The following KLC3 variants were observed in gnomAD, a reference collection of about 807,000 sequenced individuals.
The protein encoded by KLC3 is kinesin light chain 2.
Under a neutral mutation model 62.9 loss-of-function variants are expected in KLC3, and 72 were observed. The observed-to-expected ratio is 1.15, with a 90% CI of 0.95 to 1.39. The LOEUF (loss-of-function observed/expected upper bound fraction) is 1.39, where lower values mean the gene tolerates loss of function less well. Among genes scored for constraint, KLC3 ranks in the 40% most tolerant of loss-of-function variants. The probability of loss-of-function intolerance (pLI) is 0.00; values close to 1 mark genes in which losing one functional copy is unlikely to be tolerated. For missense variants in KLC3, 848 were observed against 691.6 expected, an observed-to-expected ratio of 1.23 and a Z score of -2.54; for synonymous variants, 377 against 300.5, an observed-to-expected ratio of 1.25 and a Z score of -2.63.
At chr19:45,341,554 G>GGTGTGTGTGT (rs773352088) in intron 1 of KLC3, among the ~76,000 whole-genome samples, 1,580 of 144,080 alleles carry the variant, frequency 0.011, 18 homozygotes, top group Non-Finnish European at 0.015. Flanking sequence ...TCTGCCTGTT[G>GGTGTGTGTGT]GTGTGTGTGT....
chr19:45,350,201 C>T (rs931497711), intron 8 of KLC3, 140 bp from the exon 9 acceptor site: 2 of 645,382 alleles, frequency 3.1e-6, no homozygotes, highest in Non-Finnish European at 5.3e-6. Flanking sequence ...GCAGGAGGAT[C>T]ACTTGAGGCT....
At chr19:45,343,176 C>T (rs1169384634) in intron 1 of KLC3, among the ~76,000 whole-genome samples, 1 of 151,842 alleles carries the variant, frequency 6.6e-6, no homozygotes, top group African/African-American at 2.4e-5. Context: ...GTGCGTTGGG[C>T]ACATTGTGGG....
rs760164917 is a variant in KLC3 at position 45,351,270 on chromosome 19, CTGTGCCT to C, written c.1444-15_1444-9del. ...CCCTCACCTCCCCTCCAACCATCCC[CTGTGCCT>C]GTCTCCAGTTTCCCAGCTGGCACCT... On this transcript the variant is annotated splice_polypyrimidine_tract_variant and intron_variant, in intron 12 of 12. Transcript: ENST00000391946. The C allele has an allele frequency of 2.4e-5, 38 of 1,611,698 alleles. No homozygotes were observed. In the South Asian group the frequency reaches 2.4e-4, roughly 10 times the overall value.
At chr19:45,343,368 CTT>C (rs1011270918) in intron 1 of KLC3, among the ~76,000 whole-genome samples, 4 of 151,986 alleles carry the variant, frequency 2.6e-5, no homozygotes, top group African/African-American at 4.8e-5. Context: ...GAGTTTTGCT[CTT>C]GTCACCCAGG....
At position 45,350,973 on chromosome 19, in the gene KLC3, C is replaced by T; in HGVS notation, c.1399C>T (p.Leu467Phe). The T allele has an allele frequency of 6.2e-7, 1 of 1,614,168 alleles. No individual in the cohort carries two copies. Among genetic ancestry groups the T allele is most frequent in the Non-Finnish European group, 8.5e-7 (1 of 1,180,036 alleles). Residue 467 changes from leucine (L) to phenylalanine (F), a missense_variant, in exon 12 of 13, where the codon CTC (leucine) becomes TTC (phenylalanine). Transcript: ENST00000391946. ...GAAGMKRAMS[L>F]NTLNVDAPRA... ...TTGCAGAATGAAGAGAGCCATGTCACTCAACACACTGAACGTGGATGCTCC... is the reference window on the plus strand; with the variant it reads ...TTGCAGAATGAAGAGAGCCATGTCATTCAACACACTGAACGTGGATGCTCC...
intron 1 of KLC3, among the ~76,000 whole-genome samples, chr19:45,341,578 TGC>T (rs200152688): frequency 2.1e-5 from 3 of 139,902 alleles, no homozygotes; most frequent in South Asian, 4.7e-4. Flanking sequence ...TGTGTGTGTG[TGC>T]GCGCGCGCGT....
chr19:45,346,717 G>T lies in KLC3; in HGVS notation c.432G>T (p.Lys144Asn), dbSNP rs201298939. 4.3e-4 allele frequency: 684 copies of T among 1,583,862 alleles called. No individual in the cohort carries two copies. The highest frequency in any genetic ancestry group is 5.6e-4 in the Non-Finnish European group (657 of 1,166,066). ...CCGTGGCCCAGCTGGAGGAGGAGAA[G>T]CGCCACCTGGAGTTCCTGGGGCAGC... ...EESVAQLEEE[K>N]RHLEFLGQLR... Residue 144 changes from lysine to asparagine, a missense_variant, in exon 3 of 13, where the codon AAG (lysine) becomes AAT (asparagine). Lys to Asn is a moderately conservative substitution (Grantham distance 94). Transcript: ENST00000391946.
rs1049471662 is a variant in KLC3 at position 45,345,624 on chromosome 19, GGC to G, written c.84_85del (p.Gln29SerfsTer137). On this transcript the variant is annotated frameshift_variant, in exon 2 of 13. Transcript: ENST00000391946. LOFTEE classifies it high-confidence loss of function. Reference sequence around the variant, plus strand: ...CCTGAGGAGCTGGTGCGGCAGACGCGGCAAGTGGTCCAGGGGCTGGAGGCGCT... The same window carrying G: ...CCTGAGGAGCTGGTGCGGCAGACGCGAAGTGGTCCAGGGGCTGGAGGCGCT... The G allele has an allele frequency of 2.5e-6, 4 of 1,583,570 alleles. No individual in the cohort carries two copies. Among genetic ancestry groups the G allele is most frequent in the Non-Finnish European group, 3.4e-6 (4 of 1,166,328 alleles).
At chr19:45,348,511 A>G in intron 5 of KLC3, 135 bp from the exon 6 acceptor site, 1 of 790,830 alleles carries the variant, frequency 1.3e-6, no homozygotes, top group Non-Finnish European at 2.1e-6. Flanking sequence ...GGCCCACAAA[A>G]GGCCCTCAAA....
At chr19:45,344,179 A>G (rs1157479048) in intron 1 of KLC3, among the ~76,000 whole-genome samples, 3 of 101,914 alleles carry the variant, frequency 2.9e-5, no homozygotes, top group Admixed American at 1.9e-4. Context: ...GTGTGTGTGT[A>G]ACTGTATTTC....
At position 45,350,558 on chromosome 19, in the gene KLC3, ATGGGCTGTGCTTCGGCTCCTGGGG is replaced by A; in HGVS notation, c.1272+13_1272+36del. ...AGCTGGTGACGCAGAACAGGTGAGGATGGGCTGTGCTTCGGCTCCTGGGGTGGGCGTGGGGACTGCATGGGCCTG... is the reference window on the plus strand; with the variant it reads ...AGCTGGTGACGCAGAACAGGTGAGGATGGGCGTGGGGACTGCATGGGCCTG... On this transcript the variant is annotated splice_region_variant and intron_variant, in intron 10 of 12. Transcript: ENST00000391946. The A allele has an allele frequency of 6.2e-7, 1 of 1,613,544 alleles. No homozygotes were observed. The highest frequency in any genetic ancestry group is 8.5e-7 in the Non-Finnish European group (1 of 1,179,908).
rs541314083 is a variant in KLC3, at chr19:45,347,604, A to G, written c.559+88A>G. 8.7e-6 allele frequency: 11 copies of G among 1,258,732 alleles called. No individual in the cohort carries two copies. The East Asian group carries it at 2.6e-4, about 30-fold the overall frequency. The allele number at this position is 1,258,732 out of a possible 1,614,324, so 78.0% of individuals were successfully genotyped here. A position where few individuals can be genotyped will look rare whatever the true frequency, so the allele number is the denominator to read the frequency against. On this transcript the variant is annotated intron_variant, in intron 4 of 12. Transcript: ENST00000391946. The stretch of plus-strand genomic sequence containing the variant: ...TGCAGGACCCCAAAATCTCTGAGCC[A>G]GGGGATGGGGAGGTGAGGGCAGGGT...
chr19:45,345,359 GGA>G, intron 1 of KLC3, 173 bp from the exon 2 acceptor site: 1 of 776,930 alleles, frequency 1.3e-6, no homozygotes. Flanking sequence ...GGATGGGTGT[GGA>G]GACTGGGATG....
Position 45,349,939 on chromosome 19 carries a change from C to G in KLC3, c.1143+337C>G, listed in dbSNP as rs372399666. ...AGCGTCCCTATGAGGTGGGAGCTGT[C>G]GCTCCACTTTGCGTGTGGGAAGACT... On this transcript the variant is annotated intron_variant, in intron 8 of 12. Coordinates refer to ENST00000391946, the MANE Select transcript of KLC3 (RefSeq NM_177417.3). 3.0e-4 allele frequency: 126 copies of G among 414,832 alleles called. 1 individual carries two copies. The East Asian group carries it at 5.0e-3, about 16-fold the overall frequency. 25.7% of individuals were successfully genotyped at this position (414,832 alleles called of 1,614,324 possible). A position where few individuals can be genotyped will look rare whatever the true frequency, so the allele number is the denominator to read the frequency against.
In KLC3 at chr19:45,351,503, T is replaced by G. The variant is rs541274511; in HGVS notation, c.*146T>G. 1.9e-6 allele frequency: 3 copies of G among 1,596,368 alleles called. No individual in the cohort carries two copies. Among genetic ancestry groups the G allele is most frequent in the East Asian group, 4.5e-5 (2 of 44,760 alleles). ...GCTGCCTTCTCCTGCGATTAAAGGC[T>G]GTGGACGTGACAGTGAGAAATGTCA... On this transcript the variant is annotated 3_prime_UTR_variant, in exon 13 of 13. Coordinates refer to ENST00000391946, the MANE Select transcript of KLC3 (RefSeq NM_177417.3).
At position 45,345,807 on chromosome 19, in the gene KLC3, G is replaced by A; in HGVS notation, c.258+8G>A. The A allele has an allele frequency of 6.5e-7, 1 of 1,542,728 alleles. No homozygotes were observed. Among genetic ancestry groups the A allele is most frequent in the Non-Finnish European group, 8.7e-7 (1 of 1,144,626 alleles). ...GGGCTGGGCGAGGCCCAGGTATGAGGGGGCCAGGTGGGGAGCTGGGGGAAG... is the reference window on the plus strand; with the variant it reads ...GGGCTGGGCGAGGCCCAGGTATGAGAGGGCCAGGTGGGGAGCTGGGGGAAG... On this transcript the variant is annotated splice_region_variant and intron_variant, in intron 2 of 12. Transcript: ENST00000391946.
chr19:45,345,904 A>G (rs1971480611), intron 2 of KLC3, 105 bp downstream of exon 2: 2 of 1,260,452 alleles, frequency 1.6e-6, no homozygotes, highest in South Asian at 1.5e-5. Context: ...AGGGTTCACT[A>G]TTGCAGAGGG....
Position 45,347,921 on chromosome 19 carries a change from G to GCCCCCCCCCCCC in KLC3, c.560-17_560-16insCCCCCCCCCCCC. ...GGCAGGAGGCTTGCAGTGACCCAGA[G>GCCCCCCCCCCCC]CCCACCCCACCCCACCTAGGTCCTG... On this transcript the variant is annotated intron_variant, in intron 4 of 12. Coordinates refer to ENST00000391946, the MANE Select transcript of KLC3 (RefSeq NM_177417.3). 2 of 1,575,118 alleles carry GCCCCCCCCCCCC rather than the reference G, an allele frequency of 1.3e-6. No individual in the cohort carries two copies. The highest frequency in any genetic ancestry group is 2.7e-5 in the African/African-American group (2 of 74,192).
rs774528812 is a variant in KLC3 at position 45,346,676 on chromosome 19, C to T, written c.391C>T (p.Arg131Trp). 1.1e-5 allele frequency: 17 copies of T among 1,559,328 alleles called. No individual in the cohort carries two copies. Among genetic ancestry groups the T allele is most frequent in the African/African-American group, 6.8e-5 (5 of 73,182 alleles). ...EELEETQRRL[R>W]ASEESVAQLE... ...ACTGGAGGAGACGCAGCGGCGGCTT[C>T]GGGCCAGCGAGGAGTCCGTGGCCCA... The change falls in exon 3 of 13, where the codon CGG becomes TGG. Residue 131 changes from arginine (R) to tryptophan (W), a missense_variant. Arg to Trp is a moderately radical substitution (Grantham distance 101). Coordinates refer to ENST00000391946, the MANE Select transcript of KLC3 (RefSeq NM_177417.3).
Sources: gnomAD v4.1 joint callset for allele counts (sites outside exome capture counted in the v4.1 genomes callset) on GRCh38, gnomAD v4.1.1 for gene constraint, MANE v1.5 for transcripts, NCBI Gene and HGNC (gene_info 2026-07-23, HGNC 2026-07-21) for gene names.